Variants in PALM2AKAP2 observed in about 807,000 individuals in gnomAD.
PALM2AKAP2 encodes the protein PALM2-AKAP2 fusion protein.
A neutral mutation model predicts 71.5 loss-of-function variants in PALM2AKAP2; 37 were observed. That is an observed-to-expected ratio of 0.52 (90% CI 0.40 to 0.68). The LOEUF (loss-of-function observed/expected upper bound fraction) is 0.68. Among genes scored for constraint, PALM2AKAP2 ranks in the 30% least tolerant of loss-of-function variants. PALM2AKAP2 has a pLI of 0.00. For missense variants in PALM2AKAP2, 1,224 were observed against 1,191.8 expected, an observed-to-expected ratio of 1.03 and a Z score of -0.40; for synonymous variants, 468 against 478.8, an observed-to-expected ratio of 0.98 and a Z score of 0.29.
At chr9:109,922,109 C>T (rs1328900906) in intron 3 of PALM2AKAP2, among the ~76,000 whole-genome samples, 1 of 151,766 alleles carries the variant, frequency 6.6e-6, no homozygotes, top group East Asian at 1.9e-4. Context: ...GGCCAGTTCC[C>T]GAGAGCAGAT....
rs75963092 is a variant in PALM2AKAP2 at position 109,733,312 on chromosome 9, A to G, written c.6-47176A>G. Among the ~76,000 whole-genome samples the G allele has an allele frequency of 5.2e-3, 785 of 152,312 alleles. 9 individuals are homozygous for G. Among genetic ancestry groups the G allele is most frequent in the African/African-American group, 0.018 (739 of 41,578 alleles). On this transcript the variant is annotated intron_variant, in intron 1 of 6. Transcript: ENST00000374531. ...GAACATTTGTTAGATTGTTCAAAGTATGGTGTATAATGAGAGCTCTTGCCT... is the reference window on the plus strand; with the variant it reads ...GAACATTTGTTAGATTGTTCAAAGTGTGGTGTATAATGAGAGCTCTTGCCT...
At chr9:110,074,349 A>C (rs1834272207) in intron 1 of PALM2AKAP2, among the ~76,000 whole-genome samples, 1 of 152,172 alleles carries the variant, frequency 6.6e-6, no homozygotes, top group South Asian at 2.1e-4. Flanking sequence ...AAGTCATGAA[A>C]GACAAGGAAA....
At chr9:109,843,806 G>A (rs892006312) in intron 1 of PALM2AKAP2, among the ~76,000 whole-genome samples, 5 of 152,168 alleles carry the variant, frequency 3.3e-5, no homozygotes, top group Non-Finnish European at 5.9e-5. Flanking sequence ...TGTTCACACC[G>A]AGTTCCAGAC....
chr9:109,987,786 A>G (rs907588166), intron 6 of PALM2AKAP2, among the ~76,000 whole-genome samples: 1 of 152,232 alleles, frequency 6.6e-6, no homozygotes, highest in African/African-American at 2.4e-5. Context: ...GTTGTGAAGG[A>G]TGTCCTCATG....
intron 1 of PALM2AKAP2, among the ~76,000 whole-genome samples, chr9:109,723,673 GA>G (rs575578332): frequency 3.9e-5 from 6 of 152,300 alleles, no homozygotes; most frequent in Admixed American, 3.9e-4. Flanking sequence ...CATTTAACAA[GA>G]AGGTGTTTCA....
At chr9:109,947,115 T>C (rs971763773) in intron 6 of PALM2AKAP2, among the ~76,000 whole-genome samples, 1 of 152,236 alleles carries the variant, frequency 6.6e-6, no homozygotes, top group African/African-American at 2.4e-5. Flanking sequence ...AAAACACAGT[T>C]TCCTTGAGCC....
chr9:110,136,300 T>A, exon 2 of PALM2AKAP2: 1 of 1,614,104 alleles, frequency 6.2e-7, no homozygotes, highest in Non-Finnish European at 8.5e-7. Context: ...CTACCCCACA[T>A]CCCATGGACC....
chr9:110,025,986 C>G (rs2132391566), intron 7 of PALM2AKAP2, among the ~76,000 whole-genome samples: 1 of 152,278 alleles, frequency 6.6e-6, no homozygotes, highest in East Asian at 1.9e-4. Flanking sequence ...TCACACTTCC[C>G]CTTTAAGATC....
At chr9:109,761,038 A>G (rs553920120) in intron 1 of PALM2AKAP2, among the ~76,000 whole-genome samples, 1 of 152,336 alleles carries the variant, frequency 6.6e-6, no homozygotes, top group Admixed American at 6.5e-5. Context: ...ATGTTCATTA[A>G]GGACCACTCC....
chr9:109,713,427 AATCT>A (rs754941657), intron 1 of PALM2AKAP2, among the ~76,000 whole-genome samples: 7 of 152,146 alleles, frequency 4.6e-5, no homozygotes, highest in Non-Finnish European at 8.8e-5. Context: ...TTTAAATATA[AATCT>A]ATCTATCTAT....
intron 1 of PALM2AKAP2, among the ~76,000 whole-genome samples, chr9:109,833,661 T>G (rs764783510): frequency 6.6e-6 from 1 of 152,198 alleles, no homozygotes; most frequent in African/African-American, 2.4e-5. Context: ...AATTCTTCAC[T>G]GTGTGGGACT....
chr9:110,141,550 A>G (rs73655313), intron 2 of PALM2AKAP2, among the ~76,000 whole-genome samples: 6,249 of 152,318 alleles, frequency 0.041, 442 homozygotes, highest in African/African-American at 0.14. Context: ...GCCAACCTCC[A>G]AGTTCATGAT....
intron 2 of PALM2AKAP2, among the ~76,000 whole-genome samples, chr9:110,144,206 G>GA (rs1277017103): frequency 3.9e-5 from 6 of 152,204 alleles, no homozygotes; most frequent in Non-Finnish European, 8.8e-5. Flanking sequence ...CTGACAGAAG[G>GA]ATTGATGATG....
intron 1 of PALM2AKAP2, among the ~76,000 whole-genome samples, chr9:109,669,377 T>C (rs1038121034): frequency 2.6e-5 from 4 of 152,164 alleles, no homozygotes; most frequent in African/African-American, 9.7e-5. Flanking sequence ...TCTTTATCTA[T>C]GTTCGTGAAC....
intron 2 of PALM2AKAP2, among the ~76,000 whole-genome samples, chr9:110,142,240 T>C (rs1336731364): frequency 6.6e-6 from 1 of 151,938 alleles, no homozygotes; most frequent in African/African-American, 2.4e-5. Flanking sequence ...CCCAGCTAAA[T>C]TTTTTGTTTG....
rs508872 is a variant in PALM2AKAP2 at position 110,066,990 on chromosome 9, C to G, written c.156+18135C>G. On this transcript the variant is annotated intron_variant, in intron 1 of 3. Transcript: ENST00000374525. ...GACTCATTATCAAGGAAAGAGAGAG[C>G]TCTTCATTTGGTTTTATCAGATAAT... is the stretch of plus-strand genomic sequence containing the variant. 2.6e-5 allele frequency among the ~76,000 whole-genome samples: 4 copies of G among 152,158 alleles called. No individual in the cohort carries two copies. The East Asian group carries it at 7.7e-4, about 29-fold the overall frequency.
chr9:109,649,257 T>A (rs2132231017), intron 1 of PALM2AKAP2, among the ~76,000 whole-genome samples: 1 of 152,278 alleles, frequency 6.6e-6, no homozygotes, highest in South Asian at 2.1e-4. Flanking sequence ...AATTGAAGAA[T>A]CTATTTGTTC....
intron 1 of PALM2AKAP2, among the ~76,000 whole-genome samples, chr9:109,842,047 C>T (rs539986617): frequency 6.6e-6 from 1 of 151,830 alleles, no homozygotes; most frequent in African/African-American, 2.4e-5. Flanking sequence ...AGGGTCTAAA[C>T]CCCACTTGAA....
chr9:109,706,852 A>G (rs973690723), intron 1 of PALM2AKAP2, among the ~76,000 whole-genome samples: 14 of 152,242 alleles, frequency 9.2e-5, no homozygotes, highest in Admixed American at 7.2e-4. Context: ...GTCCAGAATA[A>G]GTAAATCTAG....
Sources: gnomAD v4.1 joint callset for allele counts (sites outside exome capture counted in the v4.1 genomes callset) on GRCh38, gnomAD v4.1.1 for gene constraint, MANE v1.5 for transcripts, NCBI Gene and HGNC (gene_info 2026-07-23, HGNC 2026-07-21) for gene names.